The following TOGARAM1 variants were observed in gnomAD, a reference collection of about 807,000 sequenced individuals.
TOGARAM1 encodes the protein TOG array regulator of axonemal microtubules 1, also known as TOG array regulator of axonemal microtubules protein 1.
A neutral mutation model predicts 166.6 loss-of-function variants in TOGARAM1; 100 were observed. The observed-to-expected ratio is 0.60, with a 90% CI of 0.51 to 0.71. The LOEUF is 0.71. Among genes scored for constraint, TOGARAM1 ranks in the 30% least tolerant of loss-of-function variants. The pLI, the probability that TOGARAM1 is intolerant of heterozygous loss-of-function variation, is 0.00. For synonymous variants in TOGARAM1, 758 were observed against 763.8 expected, an observed-to-expected ratio of 0.99 and a Z score of 0.13; for missense variants, 2,029 against 2,102.7, an observed-to-expected ratio of 0.96 and a Z score of 0.69.
chr14:44,980,119 T>G (rs1204646429), intron 1 of TOGARAM1, among the ~76,000 whole-genome samples: 1 of 152,226 alleles, frequency 6.6e-6, no homozygotes, highest in African/African-American at 2.4e-5. Context: ...ATGTCACATA[T>G]TCATGTGTCC....
intron 2 of TOGARAM1, among the ~76,000 whole-genome samples, chr14:44,999,020 G>A (rs1222801034): frequency 6.6e-6 from 1 of 152,190 alleles, no homozygotes; most frequent in Non-Finnish European, 1.5e-5. Flanking sequence ...AGCTTTTTGG[G>A]TAATGCGTAT....
At position 44,995,571 on chromosome 14, in the gene TOGARAM1, A is replaced by C. The variant is rs925294410; in HGVS notation, c.2047-175A>C. Reference sequence around the variant, plus strand: ...CAATTAGCATTTCTCTTCTGGAATGAAAAGTACTGTTGGTGTACCCGACTA... The same window carrying C: ...CAATTAGCATTTCTCTTCTGGAATGCAAAGTACTGTTGGTGTACCCGACTA... On this transcript the variant is annotated intron_variant, in intron 1 of 19. Transcript: ENST00000361462. 21 of 634,828 alleles carry C rather than the reference A, an allele frequency of 3.3e-5. No homozygotes were observed. The East Asian group carries it at 6.7e-4, about 20-fold the overall frequency. The allele number at this position is 634,828 out of a possible 1,614,324, so 39.3% of individuals were successfully genotyped here.
chr14:44,972,185 C>G (rs531391342), intron 1 of TOGARAM1, among the ~76,000 whole-genome samples: 72 of 152,236 alleles, frequency 4.7e-4, no homozygotes, highest in South Asian at 1.4e-3. Flanking sequence ...GGACAGGATA[C>G]AAACCCAAAC....
intron 18 of TOGARAM1, among the ~76,000 whole-genome samples, chr14:45,069,565 G>A (rs959627937): frequency 1.6e-4 from 24 of 151,976 alleles, no homozygotes; most frequent in African/African-American, 5.6e-4. Context: ...GAGGCTATAC[G>A]GATGGCAAAT....
rs748669576 is a variant in TOGARAM1 at position 44,964,282 on chromosome 14, A to T, written c.1861A>T (p.Ser621Cys). ...GCTTTTGGCTGGTAACAGAACTCAG[A>T]GTGCACACTGTCACTGTGGTGACCA... ...DWLLAGNRTQSAHCHCGDHVR... is the reference protein window; with the variant it reads ...DWLLAGNRTQCAHCHCGDHVR... The change falls in exon 1 of 20, where the codon AGT (serine) becomes TGT (cysteine). Residue 621 changes from serine to cysteine, a missense_variant. Physicochemically the swap from Ser to Cys is moderately radical, Grantham distance 112 (BLOSUM62 -1). Transcript: ENST00000361462. The T allele has an allele frequency of 6.2e-7, 1 of 1,614,190 alleles. No homozygotes were observed. Among genetic ancestry groups the T allele is most frequent in the Non-Finnish European group, 8.5e-7 (1 of 1,180,034 alleles).
intron 1 of TOGARAM1, among the ~76,000 whole-genome samples, chr14:44,988,649 A>T (rs967563127): frequency 2.0e-5 from 3 of 152,200 alleles, no homozygotes; most frequent in African/African-American, 7.2e-5. Flanking sequence ...TCCTTTGAAG[A>T]GTTGGAGTCT....
chr14:45,072,513 G>C (rs1039113826), intron 19 of TOGARAM1, among the ~76,000 whole-genome samples: 18 of 151,618 alleles, frequency 1.2e-4, no homozygotes, highest in African/African-American at 4.4e-4. Flanking sequence ...TGCAACCTCC[G>C]CCTCCTGGGT....
intron 11 of TOGARAM1, 78 bp from the exon 12 acceptor site, chr14:45,043,608 C>A: frequency 1.2e-6 from 1 of 858,806 alleles, no homozygotes; most frequent in Non-Finnish European, 2.0e-6. Context: ...ATTCCATACA[C>A]AGAAAATAAG....
intron 7 of TOGARAM1, among the ~76,000 whole-genome samples, chr14:45,015,902 C>A (rs993006087): frequency 2.0e-5 from 3 of 152,060 alleles, no homozygotes; most frequent in African/African-American, 7.2e-5. Flanking sequence ...GATTTAATAT[C>A]TCTAAATCAG....
intron 14 of TOGARAM1, among the ~76,000 whole-genome samples, chr14:45,047,438 A>G (rs1211572615): frequency 2.6e-5 from 4 of 151,978 alleles, no homozygotes; most frequent in Admixed American, 1.3e-4. Flanking sequence ...GCATAACAAT[A>G]TATTATCCTA....
chr14:44,994,593 A>G (rs1887326767), intron 1 of TOGARAM1, among the ~76,000 whole-genome samples: 1 of 151,954 alleles, frequency 6.6e-6, no homozygotes, highest in Non-Finnish European at 1.5e-5. Context: ...TAATTTTTGT[A>G]TTTTTTGTAG....
At chr14:45,015,863 G>A (rs1231786741) in intron 7 of TOGARAM1, among the ~76,000 whole-genome samples, 1 of 152,042 alleles carries the variant, frequency 6.6e-6, no homozygotes, top group Non-Finnish European at 1.5e-5. Context: ...AGTACAGAAG[G>A]TTAAATTTCA....
intron 1 of TOGARAM1, among the ~76,000 whole-genome samples, chr14:44,981,905 G>A (rs10132260): frequency 0.047 from 6,760 of 145,008 alleles, 505 homozygotes; most frequent in African/African-American, 0.16. Context: ...GTGCAGTGGC[G>A]CCATCTTGGC....
intron 3 of TOGARAM1, 48 bp downstream of exon 3, chr14:44,999,545 G>A: frequency 1.3e-6 from 2 of 1,486,022 alleles, no homozygotes; most frequent in Non-Finnish European, 1.8e-6. Context: ...TAAATATTAT[G>A]TGGGGATTCC....
chr14:45,068,374 A>G (rs1883227811), intron 17 of TOGARAM1, 50 bp from the exon 18 acceptor site: 3 of 1,284,608 alleles, frequency 2.3e-6, no homozygotes, highest in Non-Finnish European at 3.3e-6. Flanking sequence ...TATAAATACA[A>G]TAGCTATAAA....
At chr14:44,969,588 A>G (rs1356696748) in intron 1 of TOGARAM1, among the ~76,000 whole-genome samples, 1 of 152,208 alleles carries the variant, frequency 6.6e-6, no homozygotes, top group African/African-American at 2.4e-5. Flanking sequence ...TGCATGGATC[A>G]TGCCTTTGGT....
chr14:45,018,856 T>G lies in TOGARAM1; in HGVS notation c.3238+6781T>G, dbSNP rs540367201. ...AGTAACTCATACCCTCATGTAATTT[T>G]TTATTTCTTTTAATTGCTTTGAAAT... On this transcript the variant is annotated intron_variant, in intron 7 of 19. Coordinates refer to ENST00000361462, the MANE Select transcript of TOGARAM1 (RefSeq NM_001308120.2). Among the ~76,000 whole-genome samples the G allele has an allele frequency of 5.3e-5, 8 of 152,376 alleles. 1 individual carries two copies. The South Asian group carries it at 1.7e-3, about 32-fold the overall frequency.
chr14:45,019,211 T>C (rs1223183685), intron 7 of TOGARAM1, among the ~76,000 whole-genome samples: 2 of 152,184 alleles, frequency 1.3e-5, no homozygotes, highest in Admixed American at 6.6e-5. Context: ...AGGTGGCTTA[T>C]CCTATCATTT....
chr14:45,074,350 T>C lies in TOGARAM1; in HGVS notation c.*789T>C, dbSNP rs1468693582. ...AGTGCCAGGTCTTCTATAGCTTTTT[T>C]CAGAATTCATGGGCTTACAAGTACT... On this transcript the variant is annotated 3_prime_UTR_variant, in exon 20 of 20. Transcript: ENST00000361462. 6.6e-6 allele frequency: 1 copy of C among 152,646 alleles called. No individual in the cohort carries two copies. The highest frequency in any genetic ancestry group is 1.5e-5 in the Non-Finnish European group (1 of 68,036). The allele number at this position is 152,646 out of a possible 1,614,324, so 9.5% of individuals were successfully genotyped here.
Sources: gnomAD v4.1 joint callset for allele counts (sites outside exome capture counted in the v4.1 genomes callset) on GRCh38, gnomAD v4.1.1 for gene constraint, MANE v1.5 for transcripts, NCBI Gene and HGNC (gene_info 2026-07-23, HGNC 2026-07-21) for gene names.